SLC45A2: variants seen among roughly 807,000 people sequenced by gnomAD.
SLC45A2 encodes membrane-associated transporter protein.
Under a neutral mutation model 45.5 loss-of-function variants are expected in SLC45A2, and 36 were observed. The observed-to-expected ratio is 0.79, with a 90% CI of 0.61 to 1.04. The LOEUF (loss-of-function observed/expected upper bound fraction) is 1.04, where lower values mean the gene tolerates loss of function less well. SLC45A2 is among the 50% of genes least tolerant of loss of function. The probability of loss-of-function intolerance (pLI) is 0.00; values close to 1 mark genes in which losing one functional copy is unlikely to be tolerated. For synonymous variants in SLC45A2, 306 were observed against 269.3 expected, an observed-to-expected ratio of 1.14 and a Z score of -1.33; for missense variants, 719 against 671.0, an observed-to-expected ratio of 1.07 and a Z score of -0.79.
chr5:33,957,087 A>G (rs1752297131), intron 3 of SLC45A2, among the ~76,000 whole-genome samples: 1 of 152,128 alleles, frequency 6.6e-6, no homozygotes, highest in Non-Finnish European at 1.5e-5. Flanking sequence ...GAGAATGAGA[A>G]ACTTTAAACT....
At chr5:33,966,668 G>A (rs188512279) in intron 2 of SLC45A2, among the ~76,000 whole-genome samples, 5 of 152,212 alleles carry the variant, frequency 3.3e-5, no homozygotes, top group Admixed American at 1.3e-4. Flanking sequence ...GTACAGAGGA[G>A]TTTCAAAGAG....
intron 5 of SLC45A2, 194 bp downstream of exon 5, chr5:33,951,360 T>A: frequency 7.0e-7 from 1 of 1,431,858 alleles, no homozygotes; most frequent in East Asian, 2.4e-5. Flanking sequence ...AGTGAGGAAA[T>A]GACACCTAGA....
At chr5:33,970,989 C>A in intron 2 of SLC45A2, 1 of 495,820 alleles carries the variant, frequency 2.0e-6, no homozygotes, top group East Asian at 6.0e-5. Context: ...TATGAAAAGT[C>A]TGAAAATGAT....
At chr5:33,957,701 A>T (rs1180557544) in intron 3 of SLC45A2, among the ~76,000 whole-genome samples, 5 of 152,310 alleles carry the variant, frequency 3.3e-5, no homozygotes, top group South Asian at 4.1e-4. Flanking sequence ...CATGCCTCCA[A>T]CTAAATGGTT....
intron 6 of SLC45A2, 110 bp downstream of exon 6, chr5:33,947,053 T>C (rs1200641019): frequency 1.2e-6 from 2 of 1,610,560 alleles, no homozygotes; most frequent in Non-Finnish European, 1.7e-6. Flanking sequence ...ACTGTTGCTG[T>C]TTCAAGAACC....
intron 2 of SLC45A2, chr5:33,971,379 A>G: frequency 2.1e-6 from 1 of 486,772 alleles, no homozygotes; most frequent in East Asian, 5.5e-5. Context: ...ACCACCATAA[A>G]CAGGAAAAAC....
chr5:33,963,886 A>G lies in SLC45A2; in HGVS notation c.693T>C (p.Thr231=), dbSNP rs1444872037. 6.2e-7 allele frequency: 1 copy of G among 1,614,202 alleles called. No homozygotes were observed. The highest frequency in any genetic ancestry group is 2.2e-5 in the East Asian group (1 of 44,892). ...FSALVLTLCF[T]VHLCSISEAP... ...CTTCAGAGATACTGCACAGATGAAC[A>G]GTAAAACACAAAGTGAGCACCAATG... Residue 231 remains threonine, a synonymous_variant, in exon 3 of 7, where the codon ACT becomes ACC. Transcript: ENST00000296589.
intron 5 of SLC45A2, among the ~76,000 whole-genome samples, chr5:33,950,863 A>T (rs1288731076): frequency 1.3e-5 from 2 of 152,234 alleles, no homozygotes; most frequent in Non-Finnish European, 2.9e-5. Flanking sequence ...CACTTAACTC[A>T]ATGTATACAG....
chr5:33,978,700 T>C (rs1176790877), intron 2 of SLC45A2, among the ~76,000 whole-genome samples: 2 of 152,174 alleles, frequency 1.3e-5, no homozygotes, highest in Non-Finnish European at 2.9e-5. Flanking sequence ...ACCAATGTAT[T>C]CCTTACATTT....
rs1315864445 is a variant in SLC45A2, at chr5:33,951,568, G to T, written c.1142C>A (p.Ser381Tyr). Residue 381 changes from serine (S) to tyrosine (Y), a missense_variant, in exon 5 of 7, where the codon TCC becomes TAC. Coordinates refer to ENST00000296589, the MANE Select transcript of SLC45A2 (RefSeq NM_016180.5). ...CWGLCINSVF[S>Y]SLYSYFQKVL... ...GAAAGACTTACAAGAATAAAGTGAGGAAAACACGGAGTTGATGCACAAGCC... is the reference window on the plus strand; with the variant it reads ...GAAAGACTTACAAGAATAAAGTGAGTAAAACACGGAGTTGATGCACAAGCC... 6.2e-7 allele frequency: 1 copy of T among 1,613,978 alleles called. No homozygotes were observed. The highest frequency in any genetic ancestry group is 2.2e-5 in the East Asian group (1 of 44,896).
chr5:33,982,444 T>C (rs752317009), intron 1 of SLC45A2, 32 bp from the exon 2 acceptor site: 83 of 1,606,396 alleles, frequency 5.2e-5, no homozygotes, highest in Non-Finnish European at 8.5e-7. Context: ...GTCTCCTAAA[T>C]CCTGTTTTAG....
In SLC45A2 at chr5:33,969,065, C is replaced by CTCTGTGTGTG; in HGVS notation, c.563-5050_563-5049insCACACACAGA. ...AGCTACTCTCTCTCTCTCTCTCTCT[C>CTCTGTGTGTG]TGTGTGTGTGTGTGTGTGTGTGTGT... On this transcript the variant is annotated intron_variant, in intron 2 of 6. Transcript: ENST00000296589. 3.1e-3 allele frequency among the ~76,000 whole-genome samples: 321 copies of CTCTGTGTGTG among 102,462 alleles called. 3 individuals are homozygous for CTCTGTGTGTG. The highest frequency in any genetic ancestry group is 8.9e-3 in the Admixed American group (88 of 9,916). The allele number at this position is 102,462 out of a possible 152,430, so 67.2% of individuals were successfully genotyped here.
chr5:33,977,157 AAGGCGGCTGTCTGCC>A (rs1752953524), intron 2 of SLC45A2, among the ~76,000 whole-genome samples: 1 of 152,246 alleles, frequency 6.6e-6, no homozygotes, highest in Non-Finnish European at 1.5e-5. Flanking sequence ...ACACAGCAAG[AAGGCGGCTGTCTGCC>A]AGCCAGGAAG....
intron 2 of SLC45A2, among the ~76,000 whole-genome samples, chr5:33,974,203 T>C (rs1423946746): frequency 2.0e-5 from 3 of 152,194 alleles, no homozygotes; most frequent in Non-Finnish European, 4.4e-5. Context: ...GGTGAGAAGA[T>C]GCGGGTGGAC....
At chr5:33,955,585 T>C (rs1021137397) in intron 3 of SLC45A2, among the ~76,000 whole-genome samples, 14 of 152,146 alleles carry the variant, frequency 9.2e-5, no homozygotes, top group African/African-American at 3.4e-4. Flanking sequence ...AACATGTTAA[T>C]GAGCCTTACA....
At chr5:33,950,376 A>G (rs1752063652) in intron 5 of SLC45A2, among the ~76,000 whole-genome samples, 1 of 152,236 alleles carries the variant, frequency 6.6e-6, no homozygotes, top group Non-Finnish European at 1.5e-5. Flanking sequence ...TCGAAGAGGA[A>G]GAAAAGAGTT....
At position 33,944,907 on chromosome 5, in the gene SLC45A2, C is replaced by T. The variant is rs376048447; in HGVS notation, c.1369-35G>A. ...AAGCACAGAACCACCATTTGACCTA[C>T]AAGGAACTGTCATTTAGGGCACAGG... On this transcript the variant is annotated intron_variant, in intron 6 of 6. Coordinates refer to ENST00000296589, the MANE Select transcript of SLC45A2 (RefSeq NM_016180.5). 8.2e-6 allele frequency: 13 copies of T among 1,583,706 alleles called. No homozygotes were observed. In the African/African-American group the frequency reaches 1.8e-4, roughly 21 times the overall value.
rs746217086 is a variant in SLC45A2, at chr5:33,982,298, A to G, written c.500T>C (p.Leu167Ser). Residue 167 changes from leucine (L) to serine (S), a missense_variant, in exon 2 of 7, where the codon TTA becomes TCA. Transcript: ENST00000296589. ...GTCCTGATGGGAGCAGACATCAAAT[A>G]AGTAGGCTTTGATGGGCCCATCAAT... ...DFIDGPIKAY[L>S]FDVCSHQDKE... 1 of 1,614,140 alleles carries G rather than the reference A, an allele frequency of 6.2e-7. No individual in the cohort carries two copies. Among genetic ancestry groups the G allele is most frequent in the East Asian group, 2.2e-5 (1 of 44,874 alleles).
intron 2 of SLC45A2, 104 bp from the exon 3 acceptor site, chr5:33,964,120 G>A: frequency 8.8e-7 from 1 of 1,132,692 alleles, no homozygotes; most frequent in South Asian, 1.3e-5. Context: ...GAAGACAGCA[G>A]AGGCAACCTG....
Sources: allele counts gnomAD v4.1 joint callset (sites outside exome capture counted in the v4.1 genomes callset), GRCh38; gene constraint gnomAD v4.1.1; transcripts MANE v1.5; gene names NCBI Gene and HGNC (gene_info 2026-07-23, HGNC 2026-07-21).